PKN3: variants seen among roughly 807,000 people sequenced by gnomAD.
The protein encoded by PKN3 is protein kinase N3, also known as serine/threonine-protein kinase N3.
Under a neutral mutation model 113.1 loss-of-function variants are expected in PKN3, and 91 were observed. The observed-to-expected ratio is 0.80, with a 90% CI of 0.68 to 0.96. The LOEUF is 0.96. PKN3 is among the 40% of genes least tolerant of loss of function. The pLI is 0.00. For missense variants in PKN3, 1,052 were observed against 1,202.2 expected (o/e 0.88, Z 1.85); for synonymous variants, 467 against 499.0 (o/e 0.94, Z 0.85).
chr9:128,709,212 G>A (rs1481758253), intron 6 of PKN3, among the ~76,000 whole-genome samples: 1 of 151,914 alleles, frequency 6.6e-6, no homozygotes, highest in Non-Finnish European at 1.5e-5. Context: ...GGGAACCCCG[G>A]GGGGCGGAGC....
intron 3 of PKN3, among the ~76,000 whole-genome samples, chr9:128,706,215 G>A (rs1346954965): frequency 1.3e-5 from 2 of 152,240 alleles, no homozygotes; most frequent in Non-Finnish European, 2.9e-5. Flanking sequence ...TCTAATGGGG[G>A]AGGCTTAGCT....
At chr9:128,704,026 A>C in intron 1 of PKN3, 1 of 984,198 alleles carries the variant, frequency 1.0e-6, no homozygotes, top group Middle Eastern at 5.2e-4. Flanking sequence ...TTGCCCTCTG[A>C]CAGCTGGGCC....
chr9:128,710,432 G>A (rs769831661), intron 6 of PKN3, among the ~76,000 whole-genome samples: 1 of 152,088 alleles, frequency 6.6e-6, no homozygotes. Flanking sequence ...GAGCTGAGAA[G>A]AGGAAATGCA....
At chr9:128,710,404 C>T (rs1056154891) in intron 6 of PKN3, among the ~76,000 whole-genome samples, 1 of 151,894 alleles carries the variant, frequency 6.6e-6, no homozygotes, top group Non-Finnish European at 1.5e-5. Context: ...GCCGACTGAC[C>T]CCATTCCATT....
In PKN3 at chr9:128,706,720, A is replaced by G. The variant is rs1364616021; in HGVS notation, c.419A>G (p.Lys140Arg). 3 of 1,574,736 alleles carry G rather than the reference A, an allele frequency of 1.9e-6. No individual in the cohort carries two copies. Among genetic ancestry groups the G allele is most frequent in the South Asian group, 2.3e-5 (2 of 85,366 alleles). Residue 140 changes from lysine to arginine, a missense_variant, in exon 4 of 22, where the codon AAG becomes AGG. Physicochemically the swap from Lys to Arg is conservative, Grantham distance 26 (BLOSUM62 2). Coordinates refer to ENST00000291906, the MANE Select transcript of PKN3 (RefSeq NM_013355.5). Reference sequence around the variant, plus strand: ...TGTGCTATGGCTCCATAGGAGAGGAAGCTCCTGGCAGCTGCCCAGCAGATG... The same window carrying G: ...TGTGCTATGGCTCCATAGGAGAGGAGGCTCCTGGCAGCTGCCCAGCAGATG... ...TCASGTPKER[K>R]LLAAAQQMLR... is the part of the protein sequence containing the mutation.
At chr9:128,714,453 A>G (rs1025042742) in intron 11 of PKN3, 88 bp downstream of exon 11, 5 of 1,242,868 alleles carry the variant, frequency 4.0e-6, no homozygotes, top group Admixed American at 3.4e-5. Context: ...GTCTGTCTGC[A>G]TTGCTCAGCC....
intron 15 of PKN3, 118 bp from the exon 16 acceptor site, chr9:128,716,629 A>G (rs1204495898): frequency 2.8e-6 from 2 of 718,118 alleles, no homozygotes; most frequent in Non-Finnish European, 4.8e-6. Context: ...AGAAACCATC[A>G]GTCTACTTGC....
Position 128,714,072 on chromosome 9 carries a change from G to C in PKN3, c.1263G>C (p.Glu421Asp). The change falls in exon 10 of 22, where the codon GAG becomes GAC. Residue 421 changes from glutamate (E) to aspartate (D), a missense_variant. Glu to Asp is a conservative substitution (Grantham distance 45). Coordinates refer to ENST00000291906, the MANE Select transcript of PKN3 (RefSeq NM_013355.5). ...AQVTFCDPVIERRPRLQRQER... is the reference protein window; with the variant it reads ...AQVTFCDPVIDRRPRLQRQER... ...TGACCTTCTGCGATCCTGTCATTGA[G>C]AGGCGGCCCCGGCTGCAGAGGCAGG... 1 of 1,614,114 alleles carries C rather than the reference G, an allele frequency of 6.2e-7. No homozygotes were observed. The highest frequency in any genetic ancestry group is 2.2e-5 in the East Asian group (1 of 44,886).
chr9:128,705,832 CAG>C lies in PKN3; in HGVS notation c.365_366del (p.Gln122ArgfsTer3), dbSNP rs1465790627. 3 of 1,609,024 alleles carry C rather than the reference CAG, an allele frequency of 1.9e-6. No homozygotes were observed. Among genetic ancestry groups the C allele is most frequent in the Non-Finnish European group, 2.5e-6 (3 of 1,177,660 alleles). On this transcript the variant is annotated frameshift_variant, in exon 3 of 22. Transcript: ENST00000291906. LOFTEE classifies it high-confidence loss of function. Reference protein sequence around the residue: ...RQLHVELKVKQGAENMTHTCA... With the variant: ...RQLHVELKVKXGAENMTHTCA... ...GCTGCATGTGGAGCTGAAGGTGAAG[CAG>C]GGGGCTGAGAACATGACCCACACGT...
At chr9:128,718,747 C>A in intron 18 of PKN3, 122 bp downstream of exon 18, 1 of 870,198 alleles carries the variant, frequency 1.1e-6, no homozygotes, top group Non-Finnish European at 1.9e-6. Flanking sequence ...GGTTCCACCA[C>A]CCCAGACCTC....
chr9:128,715,072 C>T lies in PKN3; in HGVS notation c.1653-100C>T, dbSNP rs1476941506. 6.1e-6 allele frequency: 8 copies of T among 1,309,322 alleles called. No homozygotes were observed. Among genetic ancestry groups the T allele is most frequent in the African/African-American group, 2.9e-5 (2 of 68,746 alleles). The allele number at this position is 1,309,322 out of a possible 1,614,324, so 81.1% of individuals were successfully genotyped here. On this transcript the variant is annotated intron_variant, in intron 13 of 21. Coordinates refer to ENST00000291906, the MANE Select transcript of PKN3 (RefSeq NM_013355.5). The surrounding 1 kb of genome is among the most constrained non-coding windows in gnomAD (Gnocchi z 4.1). ...GCAGGGCTTTTTCGAGCCCATAGGTCGGGACAGCCCAGGACTGGGCATGGG... is the reference window on the plus strand; with the variant it reads ...GCAGGGCTTTTTCGAGCCCATAGGTTGGGACAGCCCAGGACTGGGCATGGG...
At chr9:128,707,447 TG>T (rs752376451) in intron 6 of PKN3, 42 bp downstream of exon 6, 7 of 1,525,552 alleles carry the variant, frequency 4.6e-6, no homozygotes, top group Non-Finnish European at 1.8e-6. Flanking sequence ...TCCTTCTTTT[TG>T]GGGGGAGGCC....
rs369545735 is a variant in PKN3 at position 128,716,974 on chromosome 9, C to G, written c.1985+51C>G. 2.0e-5 allele frequency: 29 copies of G among 1,482,548 alleles called. No homozygotes were observed. In the African/African-American group the frequency reaches 3.2e-4, roughly 16 times the overall value. 91.8% of individuals were successfully genotyped at this position (1,482,548 alleles called of 1,614,324 possible). A position where few individuals can be genotyped will look rare whatever the true frequency, so the allele number is the denominator to read the frequency against. The stretch of plus-strand genomic sequence containing the variant: ...TCTTCCAGCAAACTTTGCCTGGTTC[C>G]CTACACCCACTCTCTACATACTGCT... On this transcript the variant is annotated intron_variant, in intron 16 of 21. Transcript: ENST00000291906.
rs1321304428 is a variant in PKN3 at position 128,719,945 on chromosome 9, T to C, written c.2304T>C (p.Phe768=). The stretch of plus-strand genomic sequence containing the variant: ...CAGGGGACACAGAGGAAGAGGTGTT[T>C]GACTGCATCGTCAACATGGACGCCC... The part of the protein sequence containing the change: ...PFPGDTEEEV[F]DCIVNMDAPY... Residue 768 remains phenylalanine, a synonymous_variant, in exon 20 of 22, where the codon TTT becomes TTC. Transcript: ENST00000291906. 2 of 1,614,044 alleles carry C rather than the reference T, an allele frequency of 1.2e-6. No individual in the cohort carries two copies. The highest frequency in any genetic ancestry group is 1.3e-5 in the African/African-American group (1 of 74,932).
intron 6 of PKN3, among the ~76,000 whole-genome samples, chr9:128,710,934 A>G (rs894366625): frequency 4.0e-5 from 6 of 151,830 alleles, no homozygotes; most frequent in African/African-American, 9.7e-5. Flanking sequence ...AGGCCACCCC[A>G]TATCCTGTCC....
At position 128,720,065 on chromosome 9, in the gene PKN3, C is replaced by T. The variant is rs370669133; in HGVS notation, c.2376+48C>T. 7.9e-5 allele frequency: 123 copies of T among 1,555,460 alleles called. No individual in the cohort carries two copies. The African/African-American group carries it at 1.5e-3, about 19-fold the overall frequency. ...CTGGGCTGGATGGCCGCTCAAGGCC[C>T]ATGTGCCCTCTGCCGTGGGACAGCA... On this transcript the variant is annotated intron_variant, in intron 20 of 21. Coordinates refer to ENST00000291906, the MANE Select transcript of PKN3 (RefSeq NM_013355.5). The surrounding 1 kb of genome is among the most constrained non-coding windows in gnomAD (Gnocchi z 5.5).
In PKN3 at chr9:128,707,333, C is replaced by A. The variant is rs771744489; in HGVS notation, c.763C>A (p.Arg255=). The change falls in exon 6 of 22, where the codon CGA becomes AGA. Residue 255 remains arginine (R), a synonymous_variant. Coordinates refer to ENST00000291906, the MANE Select transcript of PKN3 (RefSeq NM_013355.5). ...CCACCCTTTGCGCAGCAGAGTGACC[C>A]GAGAGTTGCGGGCTGCGGTGCCTGG... ...PAHPLRSRVT[R]ELRAAVPGYP... is the part of the protein sequence containing the mutation. 1.2e-6 allele frequency: 2 copies of A among 1,613,902 alleles called. No individual in the cohort carries two copies. Among genetic ancestry groups the A allele is most frequent in the Non-Finnish European group, 1.7e-6 (2 of 1,179,954 alleles).
At position 128,714,599 on chromosome 9, in the gene PKN3, A is replaced by G; in HGVS notation, c.1519A>G (p.Met507Val). 1 of 1,373,718 alleles carries G rather than the reference A, an allele frequency of 7.3e-7. No homozygotes were observed. The highest frequency in any genetic ancestry group is 1.0e-6 in the Non-Finnish European group (1 of 960,472). The allele number at this position is 1,373,718 out of a possible 1,614,324, so 85.1% of individuals were successfully genotyped here. ...CAAGAAGACCCCCTTGGGTGAAGAG[A>G]TGACACCCCCACCCAAGCCCCCACG... ...LPKKTPLGEE[M>V]TPPPKPPRLY... The change falls in exon 12 of 22, where the codon ATG (methionine) becomes GTG (valine). Residue 507 changes from methionine to valine, a missense_variant. Coordinates refer to ENST00000291906, the MANE Select transcript of PKN3 (RefSeq NM_013355.5).
chr9:128,717,040 C>A (rs1487077385), intron 16 of PKN3, 117 bp downstream of exon 16: 8 of 751,088 alleles, frequency 1.1e-5, no homozygotes, highest in Non-Finnish European at 1.8e-5. Context: ...GAGTCAGAGG[C>A]CTTGGTTTAC....
Sources: allele counts gnomAD v4.1 joint callset (sites outside exome capture counted in the v4.1 genomes callset), GRCh38; gene constraint gnomAD v4.1.1; non-coding constraint Gnocchi (gnomAD v3.1); transcripts MANE v1.5; gene names NCBI Gene and HGNC (gene_info 2026-07-23, HGNC 2026-07-21).